ZC3H12B: variants seen among roughly 807,000 people sequenced by gnomAD.
ZC3H12B encodes probable ribonuclease ZC3H12B.
A neutral mutation model predicts 43.9 loss-of-function variants in ZC3H12B; 7 were observed. The ratio of observed to expected loss-of-function variants is 0.16; its 90% CI spans 0.09 to 0.30. ZC3H12B has a LOEUF of 0.30. Ranked by LOEUF, ZC3H12B falls within the 10% of genes least tolerant of loss-of-function variation. The pLI is 1.00. For missense variants in ZC3H12B, 475 were observed against 670.2 expected (o/e 0.71, Z 3.22); for synonymous variants, 222 against 241.7 (o/e 0.92, Z 0.76).
At chrX:65,044,051 C>T in the ZC3H12B span, among the ~76,000 whole-genome samples, 1 of 111,470 alleles carries the variant, frequency 9.0e-6, no homozygotes, top group African/African-American at 3.3e-5. Flanking sequence ...ATGTTACAGA[C>T]AGTGAATAAG....
chrX:65,213,040 C>T, the ZC3H12B span, among the ~76,000 whole-genome samples: 4 of 107,888 alleles, frequency 3.7e-5, no homozygotes, highest in African/African-American at 1.3e-4. Flanking sequence ...TTATCCATTC[C>T]CTACTCTCTT....
chrX:65,435,691 TAG>T (rs2148116334), intron 3 of ZC3H12B, among the ~76,000 whole-genome samples: 1 of 110,546 alleles, frequency 9.0e-6, no homozygotes, highest in South Asian at 3.8e-4. Context: ...GATAGATAGA[TAG>T]ATAGATAGAC....
intron 3 of ZC3H12B, among the ~76,000 whole-genome samples, chrX:65,472,910 A>G (rs1468294746): frequency 1.1e-5 from 1 of 87,187 alleles, no homozygotes; most frequent in Non-Finnish European, 2.2e-5. Context: ...ATATATGTTT[A>G]TATATATGTT....
chrX:65,436,266 C>T (rs1391898145), intron 3 of ZC3H12B, among the ~76,000 whole-genome samples: 1 of 112,326 alleles, frequency 8.9e-6, no homozygotes, highest in Non-Finnish European at 1.9e-5. Flanking sequence ...TAGGCCCCTC[C>T]TCCAACACTG....
At chrX:65,399,714 A>G (rs1342557445) in intron 3 of ZC3H12B, among the ~76,000 whole-genome samples, 1 of 112,323 alleles carries the variant, frequency 8.9e-6, no homozygotes, top group African/African-American at 3.2e-5. Context: ...CAGTATATCA[A>G]AAATATATCT....
At chrX:65,124,772 T>C in the ZC3H12B span, among the ~76,000 whole-genome samples, 78 of 111,151 alleles carry the variant, frequency 7.0e-4, no homozygotes, top group African/African-American at 2.0e-3. Flanking sequence ...TATTTGCATG[T>C]AAAGGTGTTA....
At chrX:65,459,096 G>A (rs1168639903) in intron 3 of ZC3H12B, among the ~76,000 whole-genome samples, 1 of 111,908 alleles carries the variant, frequency 8.9e-6, no homozygotes, top group African/African-American at 3.2e-5. Context: ...GGAAAATAAA[G>A]CAGAAAATCT....
intron 3 of ZC3H12B, among the ~76,000 whole-genome samples, chrX:65,432,279 G>A (rs193025773): frequency 9.0e-6 from 1 of 111,495 alleles, no homozygotes; most frequent in Admixed American, 9.5e-5. Flanking sequence ...ATGGTAACTT[G>A]GTGACTTATG....
the ZC3H12B span, among the ~76,000 whole-genome samples, chrX:65,082,349 G>T: frequency 9.0e-6 from 1 of 111,364 alleles, no homozygotes; most frequent in African/African-American, 3.3e-5. Context: ...TTTTTGAAAA[G>T]TTAAGCAAAA....
intron 2 of ZC3H12B, among the ~76,000 whole-genome samples, chrX:65,392,294 G>A (rs1053207339): frequency 7.2e-5 from 8 of 110,544 alleles, no homozygotes; most frequent in African/African-American, 2.0e-4. Context: ...GCCTCTTCCC[G>A]GCCGTCATCC....
the ZC3H12B span, among the ~76,000 whole-genome samples, chrX:65,230,501 T>A: frequency 9.2e-6 from 1 of 108,243 alleles, no homozygotes; most frequent in Non-Finnish European, 1.9e-5. Flanking sequence ...AACCTGCACA[T>A]TGTGCACATG....
At chrX:65,253,258 C>T in the ZC3H12B span, among the ~76,000 whole-genome samples, 1 of 112,284 alleles carries the variant, frequency 8.9e-6, no homozygotes, top group African/African-American at 3.2e-5. Context: ...GGGAACCCTG[C>T]ATAAGTCTCT....
At chrX:65,315,760 G>A in the ZC3H12B span, among the ~76,000 whole-genome samples, 3 of 112,163 alleles carry the variant, frequency 2.7e-5, no homozygotes, top group Admixed American at 1.9e-4. Flanking sequence ...AACAGCCTGA[G>A]TGTCTTCTTA....
At chrX:65,146,831 C>A in the ZC3H12B span, among the ~76,000 whole-genome samples, 1 of 111,670 alleles carries the variant, frequency 9.0e-6, no homozygotes, top group Non-Finnish European at 1.9e-5. Flanking sequence ...AGTCTGTCAA[C>A]CATAGATACA....
At chrX:65,051,771 G>A in the ZC3H12B span, among the ~76,000 whole-genome samples, 1 of 110,689 alleles carries the variant, frequency 9.0e-6, no homozygotes, top group South Asian at 3.8e-4. Flanking sequence ...GAATTTGGAG[G>A]CTAGGTTTTT....
intron 1 of ZC3H12B, among the ~76,000 whole-genome samples, chrX:65,494,815 T>C (rs1275420077): frequency 4.6e-5 from 5 of 109,462 alleles, no homozygotes; most frequent in African/African-American, 1.7e-4. Flanking sequence ...AATAAATAAA[T>C]AAATAAATAA....
intron 3 of ZC3H12B, among the ~76,000 whole-genome samples, chrX:65,462,159 G>C (rs1454085309): frequency 9.0e-6 from 1 of 110,867 alleles, no homozygotes; most frequent in East Asian, 2.8e-4. Context: ...ATGCCACCAA[G>C]AGCATATTTA....
At chrX:65,080,315 A>G in the ZC3H12B span, among the ~76,000 whole-genome samples, 1 of 110,713 alleles carries the variant, frequency 9.0e-6, no homozygotes, top group Non-Finnish European at 1.9e-5. Context: ...AAGTTTATTC[A>G]AAAAGATAAT....
chrX:65,352,477 A>G, the ZC3H12B span, among the ~76,000 whole-genome samples: 3 of 111,315 alleles, frequency 2.7e-5, no homozygotes, highest in African/African-American at 6.5e-5. Context: ...TAAAAAAAAA[A>G]AAAGAAAAAG....
Sources: allele counts gnomAD v4.1 joint callset (sites outside exome capture counted in the v4.1 genomes callset), GRCh38; gene constraint gnomAD v4.1.1; transcripts MANE v1.5; gene names NCBI Gene and HGNC (gene_info 2026-07-23, HGNC 2026-07-21).